KLHDC1: variants seen among roughly 807,000 people sequenced by gnomAD.
KLHDC1 encodes kelch domain-containing protein 1.
A neutral mutation model predicts 68.3 loss-of-function variants in KLHDC1; 53 were observed. The ratio of observed to expected loss-of-function variants is 0.78; its 90% CI spans 0.62 to 0.98. The LOEUF (loss-of-function observed/expected upper bound fraction) is 0.98. Ranked by LOEUF, KLHDC1 falls within the 50% of genes least tolerant of loss-of-function variation. The probability of loss-of-function intolerance (pLI) is 0.00; values close to 1 mark genes in which losing one functional copy is unlikely to be tolerated. For missense variants in KLHDC1, 470 were observed against 492.3 expected (o/e 0.95, Z 0.43); for synonymous variants, 148 against 159.0 (o/e 0.93, Z 0.52).
intron 12 of KLHDC1, among the ~76,000 whole-genome samples, chr14:49,747,723 G>A (rs568575562): frequency 6.6e-6 from 1 of 152,266 alleles, no homozygotes; most frequent in East Asian, 1.9e-4. Context: ...GTGACTGCAG[G>A]AAGATGCTGA....
intron 1 of KLHDC1, among the ~76,000 whole-genome samples, chr14:49,702,190 TAAC>T (rs1446484693): frequency 7.0e-6 from 1 of 143,346 alleles, no homozygotes; most frequent in Non-Finnish European, 1.5e-5. Context: ...AAAAAAAAGA[TAAC>T]ATCCCCATTG....
intron 1 of KLHDC1, 73 bp from the exon 2 acceptor site, chr14:49,709,086 C>G: frequency 1.5e-6 from 1 of 661,480 alleles, no homozygotes; most frequent in Non-Finnish European, 2.6e-6. Flanking sequence ...AGCAATTTTT[C>G]TCATCCTGAG....
Position 49,751,751 on chromosome 14 carries a change from T to C in KLHDC1, c.1200T>C (p.Tyr400=), listed in dbSNP as rs1390296563. The C allele has an allele frequency of 6.4e-7, 1 of 1,568,754 alleles. No individual in the cohort carries two copies. ...AAAAAGAAGAAACAGAAAATAAATATCAGTGGATCAGTAGCAATTAAATTG... is the reference window on the plus strand; with the variant it reads ...AAAAAGAAGAAACAGAAAATAAATACCAGTGGATCAGTAGCAATTAAATTG... ...RVQKEETENK[Y]QWISSN The change falls in exon 13 of 13, where the codon TAT becomes TAC. Residue 400 remains tyrosine (Y), a synonymous_variant. Transcript: ENST00000359332.
At chr14:49,693,748 CTTTTTTTTTT>C (rs1231129663) in intron 1 of KLHDC1, among the ~76,000 whole-genome samples, 1 of 61,540 alleles carries the variant, frequency 1.6e-5, no homozygotes, top group South Asian at 1.0e-3. Flanking sequence ...TTTTCTTTTT[CTTTTTTTTTT>C]TTTTTTGAGA....
chr14:49,735,134 T>C (rs1888901597), intron 10 of KLHDC1, among the ~76,000 whole-genome samples: 1 of 152,034 alleles, frequency 6.6e-6, no homozygotes, highest in African/African-American at 2.4e-5. Context: ...ATGTATTCAT[T>C]GATGGGAATT....
At chr14:49,725,817 AT>A in intron 6 of KLHDC1, 48 bp downstream of exon 6, 1 of 975,840 alleles carries the variant, frequency 1.0e-6, no homozygotes, top group Non-Finnish European at 1.5e-6. Context: ...TTAAAAATAA[AT>A]TTTTTACTGT....
chr14:49,743,991 T>C (rs986798758), intron 12 of KLHDC1, among the ~76,000 whole-genome samples, 186 bp downstream of exon 12: 1 of 152,184 alleles, frequency 6.6e-6, no homozygotes, highest in African/African-American at 2.4e-5. Flanking sequence ...GTTTTAAAAA[T>C]TAAAATATAC....
At chr14:49,714,709 G>C (rs1345287458) in intron 4 of KLHDC1, among the ~76,000 whole-genome samples, 4 of 151,548 alleles carry the variant, frequency 2.6e-5, no homozygotes, top group South Asian at 4.2e-4. Context: ...GTATAGTATA[G>C]TATTTGAATC....
At chr14:49,715,755 A>ATATATAT (rs1190003555) in intron 4 of KLHDC1, among the ~76,000 whole-genome samples, 3 of 127,230 alleles carry the variant, frequency 2.4e-5, no homozygotes, top group African/African-American at 9.1e-5. Context: ...AAAAAAAAAA[A>ATATATAT]AAAAAAAAAA....
chr14:49,750,835 C>T (rs1889306005), intron 12 of KLHDC1, among the ~76,000 whole-genome samples: 1 of 152,106 alleles, frequency 6.6e-6, no homozygotes, highest in African/African-American at 2.4e-5. Flanking sequence ...AACACCCACG[C>T]CCCCAGAAGA....
Position 49,743,819 on chromosome 14 carries a change from A to T in KLHDC1, c.1034+14A>T. ...TTCACTACTCAGGTAAGCAAATTTA[A>T]TATTTTCTATATATTTGCTATGAGT... On this transcript the variant is annotated intron_variant, in intron 12 of 12. Transcript: ENST00000359332. The T allele has an allele frequency of 7.1e-7, 1 of 1,403,954 alleles. No individual in the cohort carries two copies. Among genetic ancestry groups the T allele is most frequent in the Admixed American group, 1.8e-5 (1 of 55,424 alleles). The allele number at this position is 1,403,954 out of a possible 1,614,324, so 87.0% of individuals were successfully genotyped here. A position where few individuals can be genotyped will look rare whatever the true frequency, so the allele number is the denominator to read the frequency against.
At chr14:49,722,075 T>C (rs1594666866) in intron 4 of KLHDC1, among the ~76,000 whole-genome samples, 1 of 152,334 alleles carries the variant, frequency 6.6e-6, no homozygotes, top group East Asian at 1.9e-4. Flanking sequence ...CTGAAGATTA[T>C]GCGAAAGAGT....
chr14:49,700,664 T>C (rs905549133), intron 1 of KLHDC1, among the ~76,000 whole-genome samples: 1 of 152,208 alleles, frequency 6.6e-6, no homozygotes, highest in Non-Finnish European at 1.5e-5. Flanking sequence ...AGGATCAATT[T>C]AGAAAATGTT....
intron 6 of KLHDC1, among the ~76,000 whole-genome samples, chr14:49,728,666 C>A (rs944013480): frequency 6.6e-6 from 1 of 152,034 alleles, no homozygotes; most frequent in Admixed American, 6.6e-5. Context: ...TTACATGAAA[C>A]CTTATTTTGC....
At chr14:49,713,922 G>T (rs1888299806) in intron 4 of KLHDC1, among the ~76,000 whole-genome samples, 2 of 138,894 alleles carry the variant, frequency 1.4e-5, no homozygotes, top group South Asian at 2.4e-4. Flanking sequence ...GCACGATCTT[G>T]GCTCACTGTA....
At position 49,693,131 on chromosome 14, in the gene KLHDC1, G is replaced by T. The variant is rs1213286881; in HGVS notation, c.-64G>T. 11 of 1,424,956 alleles carry T rather than the reference G, an allele frequency of 7.7e-6. No individual in the cohort carries two copies. In the Admixed American group the frequency reaches 8.4e-5, roughly 11 times the overall value. 88.3% of individuals were successfully genotyped at this position (1,424,956 alleles called of 1,614,324 possible). On this transcript the variant is annotated 5_prime_UTR_variant, in exon 1 of 13. Transcript: ENST00000359332. Reference sequence around the variant, plus strand: ...TTCGTGCGTGGAGCAGTCGGGGCTGGAGGCGAGGCCGCCGGGCGGGCAGGG... The same window carrying T: ...TTCGTGCGTGGAGCAGTCGGGGCTGTAGGCGAGGCCGCCGGGCGGGCAGGG...
chr14:49,735,515 G>A (rs6572600), intron 10 of KLHDC1, among the ~76,000 whole-genome samples: 138,521 of 152,098 alleles, frequency 0.91, 64,479 homozygotes, highest in East Asian at 1. Context: ...TTCACAGTAC[G>A]TTTAGAATTC....
At chr14:49,698,771 C>G (rs1373678325) in intron 1 of KLHDC1, among the ~76,000 whole-genome samples, 1 of 152,088 alleles carries the variant, frequency 6.6e-6, no homozygotes, top group Non-Finnish European at 1.5e-5. Flanking sequence ...CCACCTCGGC[C>G]TCCCAAAGTG....
intron 12 of KLHDC1, among the ~76,000 whole-genome samples, chr14:49,747,239 A>G (rs967304550): frequency 3.3e-5 from 5 of 151,912 alleles, no homozygotes; most frequent in South Asian, 2.1e-4. Flanking sequence ...GAGCCACCAC[A>G]CCCAGCCTTA....
Sources: allele counts gnomAD v4.1 joint callset (sites outside exome capture counted in the v4.1 genomes callset), GRCh38; gene constraint gnomAD v4.1.1; transcripts MANE v1.5; gene names NCBI Gene and HGNC (gene_info 2026-07-23, HGNC 2026-07-21).